Variants in ARRB1 observed in about 807,000 individuals in gnomAD.
ARRB1 encodes the protein arrestin beta 1.
ARRB1 carries 21 observed loss-of-function variants against 56.8 expected under a neutral mutation model. The ratio of observed to expected loss-of-function variants is 0.37; its 90% confidence interval spans 0.26 to 0.53. The LOEUF is 0.53. Among genes scored for constraint, ARRB1 ranks in the 20% least tolerant of loss-of-function variants. ARRB1 has a pLI of 0.88. For synonymous variants in ARRB1, 210 were observed against 218.6 expected, an observed-to-expected ratio of 0.96 and a Z score of 0.35; for missense variants, 424 against 553.7, an observed-to-expected ratio of 0.77 and a Z score of 2.35.
In ARRB1 at chr11:75,285,157, A is replaced by C. The variant is rs35753294; in HGVS notation, c.113-878T>G. On this transcript the variant is annotated intron_variant, in intron 3 of 15. Transcript: ENST00000420843. ...CAGAGCTTGGGCTTGGCACATGTGGATTGGGGGTTGTGATCTGCAGTGCCT... is the reference window on the plus strand; with the variant it reads ...CAGAGCTTGGGCTTGGCACATGTGGCTTGGGGGTTGTGATCTGCAGTGCCT... Among the ~76,000 whole-genome samples the C allele has an allele frequency of 6.7e-3, 1,022 of 152,264 alleles. 11 individuals carry two copies. Among genetic ancestry groups the C allele is most frequent in the African/African-American group, 0.021 (869 of 41,558 alleles).
At chr11:75,295,956 G>C (rs532030188) in intron 1 of ARRB1, among the ~76,000 whole-genome samples, 1 of 152,064 alleles carries the variant, frequency 6.6e-6, no homozygotes, top group Admixed American at 6.6e-5. Flanking sequence ...AGGCTGAGGC[G>C]GGCGGATCAC....
chr11:75,268,995 G>A (rs747817679), intron 13 of ARRB1, 36 bp from the exon 14 acceptor site: 37 of 1,595,090 alleles, frequency 2.3e-5, no homozygotes, highest in African/African-American at 8.1e-5. Context: ...AGCCTTGAGC[G>A]GACTCACAGG....
chr11:75,275,282 G>A (rs192606469), intron 10 of ARRB1, among the ~76,000 whole-genome samples: 2 of 151,774 alleles, frequency 1.3e-5, no homozygotes, highest in Non-Finnish European at 2.9e-5. Context: ...AAGTAGCTGG[G>A]ATCACAGGGG....
At chr11:75,281,882 C>A in intron 6 of ARRB1, 80 bp downstream of exon 6, 1 of 1,438,660 alleles carries the variant, frequency 7.0e-7, no homozygotes, top group Non-Finnish European at 9.7e-7. Flanking sequence ...GTGTGTCCAG[C>A]ACCTCCCAGG....
At chr11:75,272,377 A>G (rs1057331390) in intron 12 of ARRB1, among the ~76,000 whole-genome samples, 15 of 152,296 alleles carry the variant, frequency 9.8e-5, no homozygotes, top group African/African-American at 3.1e-4. Context: ...TTAGGAGAGG[A>G]GATTTCAGGC....
chr11:75,345,999 A>C (rs556223270), intron 1 of ARRB1, among the ~76,000 whole-genome samples: 1 of 152,164 alleles, frequency 6.6e-6, no homozygotes, highest in South Asian at 2.1e-4. Flanking sequence ...TGGGGAGCTC[A>C]CTCAGCCTGA....
At chr11:75,298,935 A>G (rs1409135375) in intron 1 of ARRB1, among the ~76,000 whole-genome samples, 5 of 151,916 alleles carry the variant, frequency 3.3e-5, no homozygotes, top group Admixed American at 2.0e-4. Context: ...AATGTTAATT[A>G]TGTTAATTTA....
chr11:75,350,655 G>T (rs374505574), intron 1 of ARRB1, among the ~76,000 whole-genome samples: 1 of 152,216 alleles, frequency 6.6e-6, no homozygotes, highest in Non-Finnish European at 1.5e-5. Context: ...CTAGGAGAAC[G>T]GGAGGGGTTC....
intron 1 of ARRB1, among the ~76,000 whole-genome samples, chr11:75,314,060 C>T (rs976620216): frequency 1.3e-4 from 20 of 152,242 alleles, no homozygotes; most frequent in Admixed American, 1.2e-3. Flanking sequence ...CTCCCTGCCC[C>T]CACACACCCT....
At chr11:75,335,633 T>A (rs1947590545) in intron 1 of ARRB1, among the ~76,000 whole-genome samples, 1 of 151,328 alleles carries the variant, frequency 6.6e-6, no homozygotes, top group African/African-American at 2.4e-5. Context: ...CGGACCTGCC[T>A]GCGGAGGTCT....
At chr11:75,268,593 TTCCCCTACTTCCA>T (rs1945997800) in intron 14 of ARRB1, among the ~76,000 whole-genome samples, 1 of 148,504 alleles carries the variant, frequency 6.7e-6, no homozygotes, top group Non-Finnish European at 1.5e-5. Flanking sequence ...AAGCAGCCCC[TTCCCCTACTTCCA>T]AACGGGATCC....
At chr11:75,308,251 T>C (rs1299891205) in intron 1 of ARRB1, among the ~76,000 whole-genome samples, 3 of 152,150 alleles carry the variant, frequency 2.0e-5, no homozygotes, top group Non-Finnish European at 2.9e-5. Context: ...CCAGGGGCCA[T>C]AAGCAAGAGG....
chr11:75,270,704 G>C (rs1356263952), intron 13 of ARRB1, among the ~76,000 whole-genome samples: 1 of 152,072 alleles, frequency 6.6e-6, no homozygotes, highest in Non-Finnish European at 1.5e-5. Flanking sequence ...GAGTTGGGAG[G>C]ATGGCTTCCA....
intron 1 of ARRB1, among the ~76,000 whole-genome samples, chr11:75,315,360 C>T (rs1947248573): frequency 6.6e-6 from 1 of 152,038 alleles, no homozygotes; most frequent in Non-Finnish European, 1.5e-5. Context: ...ATGGATTTGC[C>T]GCAGTGACCC....
chr11:75,267,827 G>A (rs1945964568), intron 14 of ARRB1, 124 bp from the exon 15 acceptor site: 3 of 779,236 alleles, frequency 3.8e-6, no homozygotes, highest in Admixed American at 2.1e-5. Flanking sequence ...GGATAAAGGG[G>A]AATGGAGATG....
intron 1 of ARRB1, among the ~76,000 whole-genome samples, chr11:75,300,394 A>G (rs1946872466): frequency 6.6e-6 from 1 of 152,142 alleles, no homozygotes; most frequent in African/African-American, 2.4e-5. Flanking sequence ...CAGGGAGGTT[A>G]AGTAATTTGC....
chr11:75,308,995 G>A (rs1947097509), intron 1 of ARRB1, among the ~76,000 whole-genome samples: 1 of 152,272 alleles, frequency 6.6e-6, no homozygotes. Context: ...GAAAAAGCCA[G>A]TATCCTCATT....
In ARRB1 at chr11:75,300,807, A is replaced by C. The variant is rs920088280; in HGVS notation, c.21-10768T>G. Among the ~76,000 whole-genome samples, 8 of 151,038 alleles carry C rather than the reference A, an allele frequency of 5.3e-5. 1 individual carries two copies. Among genetic ancestry groups the C allele is most frequent in the African/African-American group, 2.0e-4 (8 of 40,592 alleles). On this transcript the variant is annotated intron_variant, in intron 1 of 15. Transcript: ENST00000420843. Reference sequence around the variant, plus strand: ...CAGTGAAACCCCGTCTCTACTAAAAAACACAAAAAAATTAGCCGGGCGTGG... The same window carrying C: ...CAGTGAAACCCCGTCTCTACTAAAACACACAAAAAAATTAGCCGGGCGTGG...
rs144763180 is a variant in ARRB1 at position 75,329,794 on chromosome 11, A to G, written c.20+21794T>C. Among the ~76,000 whole-genome samples, 669 of 152,140 alleles carry G rather than the reference A, an allele frequency of 4.4e-3. 11 individuals carry two copies. The highest frequency in any genetic ancestry group is 0.015 in the African/African-American group (636 of 41,510). Reference sequence around the variant, plus strand: ...GATTGCTTGAGCCCAAGAGTTTGAGACCAGCCTGGGCAACATAGTAAGACT... The same window carrying G: ...GATTGCTTGAGCCCAAGAGTTTGAGGCCAGCCTGGGCAACATAGTAAGACT... On this transcript the variant is annotated intron_variant, in intron 1 of 15. Transcript: ENST00000420843.
Sources: gnomAD v4.1 joint callset for allele counts (sites outside exome capture counted in the v4.1 genomes callset) on GRCh38, gnomAD v4.1.1 for gene constraint, MANE v1.5 for transcripts, NCBI Gene and HGNC (gene_info 2026-07-23, HGNC 2026-07-21) for gene names.